The following DCC variants were observed in gnomAD, a reference collection of about 807,000 sequenced individuals.
The protein encoded by DCC is DCC netrin 1 receptor.
Under a neutral mutation model 172.5 loss-of-function variants are expected in DCC, and 58 were observed. That is an observed-to-expected ratio of 0.34 (90% CI 0.27 to 0.42). DCC has a LOEUF of 0.42. Ranked by LOEUF, DCC falls within the 10% of genes least tolerant of loss-of-function variation. DCC has a pLI of 1.00. For synonymous variants in DCC, 709 were observed against 644.5 expected, an observed-to-expected ratio of 1.10 and a Z score of -1.52; for missense variants, 1,740 against 1,791.0, an observed-to-expected ratio of 0.97 and a Z score of 0.51.
At chr18:53,454,304 C>T (rs1268200776) in intron 23 of DCC, among the ~76,000 whole-genome samples, 2 of 152,226 alleles carry the variant, frequency 1.3e-5, no homozygotes, top group Non-Finnish European at 2.9e-5. Context: ...ATGATTGCAT[C>T]ACTGTACTCC....
chr18:52,373,879 G>A (rs1308975760), intron 1 of DCC, among the ~76,000 whole-genome samples: 1 of 147,106 alleles, frequency 6.8e-6, no homozygotes. Flanking sequence ...AAGCATATTT[G>A]GTTGCATCAT....
In DCC at chr18:52,424,810, TA is replaced by T. The variant is rs1383094637; in HGVS notation, c.91+83934del. On this transcript the variant is annotated intron_variant, in intron 1 of 28. Coordinates refer to ENST00000442544, the MANE Select transcript of DCC (RefSeq NM_005215.4). ...GGTTCAGACGATGCCAGTCAGTGGG[TA>T]ACTTCCTTCTACGTATCAAACCCAA... 2.6e-5 allele frequency among the ~76,000 whole-genome samples: 4 copies of T among 152,312 alleles called. No homozygotes were observed. In the East Asian group the frequency reaches 7.7e-4, roughly 29 times the overall value.
chr18:52,777,985 CAA>C (rs111297320), intron 2 of DCC, among the ~76,000 whole-genome samples: 3,247 of 152,052 alleles, frequency 0.021, 106 homozygotes, highest in African/African-American at 0.074. Context: ...GAAGGAAAAA[CAA>C]AGAGCTGCAA....
At chr18:53,388,540 A>C (rs1003033682) in intron 16 of DCC, among the ~76,000 whole-genome samples, 3 of 152,218 alleles carry the variant, frequency 2.0e-5, no homozygotes, top group Non-Finnish European at 4.4e-5. Flanking sequence ...GCCTCATCCC[A>C]TACTGGGAAT....
intron 1 of DCC, among the ~76,000 whole-genome samples, chr18:52,695,638 A>G (rs1441988920): frequency 6.6e-6 from 1 of 152,192 alleles, no homozygotes; most frequent in Admixed American, 6.5e-5. Context: ...GCAGGAAAAC[A>G]CAGTTGTGGC....
chr18:52,825,805 C>T (rs2038499088), intron 2 of DCC, among the ~76,000 whole-genome samples: 1 of 152,186 alleles, frequency 6.6e-6, no homozygotes, highest in African/African-American at 2.4e-5. Context: ...ATATATGTCT[C>T]AGATAAAAGT....
chr18:52,536,340 A>T (rs900457242), intron 1 of DCC, among the ~76,000 whole-genome samples: 3 of 151,600 alleles, frequency 2.0e-5, no homozygotes, highest in African/African-American at 7.2e-5. Context: ...CTGCGGACAG[A>T]TGGACTAAGT....
chr18:53,406,595 T>C (rs1444050385), intron 19 of DCC, among the ~76,000 whole-genome samples: 1 of 150,010 alleles, frequency 6.7e-6, no homozygotes, highest in Non-Finnish European at 1.5e-5. Context: ...TCCCAGCTAC[T>C]GGGGAGGCTG....
intron 7 of DCC, among the ~76,000 whole-genome samples, chr18:53,067,978 T>C (rs1442939731): frequency 6.6e-6 from 1 of 152,186 alleles, no homozygotes; most frequent in Non-Finnish European, 1.5e-5. Flanking sequence ...CTTTCTCCTA[T>C]TTCCTTGATT....
At chr18:52,455,129 AT>A (rs1001483535) in intron 1 of DCC, among the ~76,000 whole-genome samples, 6 of 152,170 alleles carry the variant, frequency 3.9e-5, no homozygotes, top group African/African-American at 1.4e-4. Context: ...ATTTTTAATC[AT>A]TTTTAAACCT....
rs1245247979 is a variant in DCC at position 53,499,516 on chromosome 18, G to A, written c.4111+6G>A. On this transcript the variant is annotated splice_donor_region_variant and intron_variant, in intron 27 of 28. Coordinates refer to ENST00000442544, the MANE Select transcript of DCC (RefSeq NM_005215.4). Reference sequence around the variant, plus strand: ...ACCACTTTTGTCTCAGCCAGGTAAAGTACTCGGTTGTTCACCTTTAAAATT... The same window carrying A: ...ACCACTTTTGTCTCAGCCAGGTAAAATACTCGGTTGTTCACCTTTAAAATT... 1.2e-6 allele frequency: 2 copies of A among 1,608,320 alleles called. No individual in the cohort carries two copies. Among genetic ancestry groups the A allele is most frequent in the East Asian group, 2.2e-5 (1 of 44,844 alleles).
intron 1 of DCC, among the ~76,000 whole-genome samples, chr18:52,489,007 TTGTGGTATCA>T (rs1360026021): frequency 6.6e-6 from 1 of 152,100 alleles, no homozygotes; most frequent in Non-Finnish European, 1.5e-5. Flanking sequence ...GTTATGGTCC[TTGTGGTATCA>T]TGATTAAAGT....
intron 12 of DCC, among the ~76,000 whole-genome samples, chr18:53,266,329 A>G (rs1463285230): frequency 6.6e-6 from 1 of 152,230 alleles, no homozygotes; most frequent in Non-Finnish European, 1.5e-5. Flanking sequence ...TTAAAAAGAC[A>G]GCAGTTGGAA....
chr18:53,118,556 T>C (rs2043439438), intron 7 of DCC, among the ~76,000 whole-genome samples: 1 of 151,794 alleles, frequency 6.6e-6, no homozygotes, highest in South Asian at 2.1e-4. Context: ...ATTCCAGAAG[T>C]GGAATTACTA....
At chr18:52,849,498 A>C (rs546466024) in intron 2 of DCC, among the ~76,000 whole-genome samples, 14 of 152,340 alleles carry the variant, frequency 9.2e-5, no homozygotes, top group Non-Finnish European at 7.3e-5. Flanking sequence ...GCTGAGATTA[A>C]ATCCAGCAAC....
intron 5 of DCC, among the ~76,000 whole-genome samples, chr18:52,978,083 G>A (rs2041152090): frequency 6.6e-6 from 1 of 151,966 alleles, no homozygotes; most frequent in African/African-American, 2.4e-5. Context: ...GCATGATACT[G>A]AACTGTACAG....
chr18:52,712,871 C>G (rs1367670212), intron 1 of DCC, among the ~76,000 whole-genome samples: 1 of 152,174 alleles, frequency 6.6e-6, no homozygotes, highest in Non-Finnish European at 1.5e-5. Context: ...AGTTGCTGAG[C>G]AAAGGAGAGC....
intron 1 of DCC, among the ~76,000 whole-genome samples, chr18:52,643,999 T>A (rs1016064742): frequency 6.6e-6 from 1 of 151,940 alleles, no homozygotes; most frequent in Non-Finnish European, 1.5e-5. Context: ...GCTTTTTTGA[T>A]CATATCAGAG....
intron 5 of DCC, among the ~76,000 whole-genome samples, chr18:52,986,264 G>A (rs1384700908): frequency 1.3e-5 from 2 of 152,234 alleles, no homozygotes; most frequent in East Asian, 1.9e-4. Flanking sequence ...AAATCATTAA[G>A]TTTCTTTAGA....
Sources: gnomAD v4.1 joint callset for allele counts (sites outside exome capture counted in the v4.1 genomes callset) on GRCh38, gnomAD v4.1.1 for gene constraint, MANE v1.5 for transcripts, NCBI Gene and HGNC (gene_info 2026-07-23, HGNC 2026-07-21) for gene names.